The following IL1RAPL2 variants were observed in gnomAD, a reference collection of about 807,000 sequenced individuals.
IL1RAPL2 encodes the protein X-linked interleukin-1 receptor accessory protein-like 2.
A neutral mutation model predicts 44.1 loss-of-function variants in IL1RAPL2; 3 were observed. The observed-to-expected ratio is 0.07, with a 90% confidence interval of 0.03 to 0.18. The LOEUF (loss-of-function observed/expected upper bound fraction) is 0.18. IL1RAPL2 is among the 10% of genes least tolerant of loss of function. The pLI is 1.00. For synonymous variants in IL1RAPL2, 181 were observed against 178.8 expected (o/e 1.01, Z -0.10); for missense variants, 391 against 496.4 (o/e 0.79, Z 2.02).
chrX:105,254,195 C>T (rs1363874757), intron 4 of IL1RAPL2, among the ~76,000 whole-genome samples: 2 of 111,794 alleles, frequency 1.8e-5, no homozygotes, highest in East Asian at 2.8e-4. Context: ...CCTTTTTCTC[C>T]ACAACCTCAC....
intron 1 of IL1RAPL2, among the ~76,000 whole-genome samples, chrX:104,646,502 A>G (rs1015448522): frequency 8.9e-6 from 1 of 111,889 alleles, no homozygotes; most frequent in African/African-American, 3.3e-5. Context: ...TGCAGAAAGT[A>G]TACTATTTAG....
At chrX:105,059,282 C>T (rs914823077) in intron 2 of IL1RAPL2, among the ~76,000 whole-genome samples, 3 of 111,779 alleles carry the variant, frequency 2.7e-5, no homozygotes, top group African/African-American at 6.5e-5. Flanking sequence ...CCCCAGTACC[C>T]TTCAGAGCTT....
At chrX:104,888,293 G>T (rs1923313987) in intron 2 of IL1RAPL2, among the ~76,000 whole-genome samples, 1 of 104,558 alleles carries the variant, frequency 9.6e-6, no homozygotes, top group African/African-American at 3.6e-5. Context: ...AGAGAGAGAG[G>T]AGAAGAGACA....
chrX:104,703,772 G>A (rs1252710836), intron 2 of IL1RAPL2, among the ~76,000 whole-genome samples: 1 of 112,259 alleles, frequency 8.9e-6, no homozygotes, highest in East Asian at 2.8e-4. Context: ...CACAGAGGCC[G>A]AGAGATGTTA....
intron 4 of IL1RAPL2, among the ~76,000 whole-genome samples, chrX:105,263,613 G>A (rs780549521): frequency 9.0e-6 from 1 of 111,516 alleles, no homozygotes; most frequent in East Asian, 2.9e-4. Context: ...TCTCAGTTGT[G>A]CATTCTGGGC....
intron 5 of IL1RAPL2, among the ~76,000 whole-genome samples, chrX:105,466,136 G>A (rs779154312): frequency 4.5e-5 from 5 of 110,972 alleles, no homozygotes; most frequent in Non-Finnish European, 7.6e-5. Context: ...TCAGAACTCT[G>A]TAAGTCCCCT....
At chrX:104,573,101 C>G (rs1295858575) in intron 1 of IL1RAPL2, among the ~76,000 whole-genome samples, 1 of 111,793 alleles carries the variant, frequency 8.9e-6, no homozygotes, top group Non-Finnish European at 1.9e-5. Flanking sequence ...AATTGAGCTG[C>G]CTTTGAGATC....
At chrX:105,715,979 AC>A (rs1240887467) in intron 6 of IL1RAPL2, among the ~76,000 whole-genome samples, 1 of 111,811 alleles carries the variant, frequency 8.9e-6, no homozygotes, top group East Asian at 2.8e-4. Context: ...AACCAGTGAA[AC>A]TTGTAGGGCC....
intron 6 of IL1RAPL2, among the ~76,000 whole-genome samples, chrX:105,572,911 G>A (rs1486557654): frequency 8.9e-6 from 1 of 111,956 alleles, no homozygotes; most frequent in Non-Finnish European, 1.9e-5. Context: ...TGATATTGTT[G>A]AAGAAAAGTT....
intron 2 of IL1RAPL2, among the ~76,000 whole-genome samples, chrX:104,940,494 C>T (rs1363165411): frequency 9.0e-6 from 1 of 111,055 alleles, no homozygotes; most frequent in African/African-American, 3.3e-5. Context: ...AGTAAATGCC[C>T]CACTAGAAGA....
At chrX:105,056,229 G>C (rs1251164587) in intron 2 of IL1RAPL2, among the ~76,000 whole-genome samples, 1 of 111,292 alleles carries the variant, frequency 9.0e-6, no homozygotes, top group Non-Finnish European at 1.9e-5. Flanking sequence ...GTGCTAGTAG[G>C]TATTCTGGAA....
chrX:104,882,052 T>C (rs1923084147), intron 2 of IL1RAPL2, among the ~76,000 whole-genome samples: 1 of 112,487 alleles, frequency 8.9e-6, no homozygotes, highest in Non-Finnish European at 1.9e-5. Flanking sequence ...CAGGCATATA[T>C]GCTTCTCTTT....
intron 1 of IL1RAPL2, among the ~76,000 whole-genome samples, chrX:104,639,834 A>G (rs1444116842): frequency 8.9e-6 from 1 of 111,901 alleles, no homozygotes; most frequent in Non-Finnish European, 1.9e-5. Context: ...ATGTCATCCC[A>G]TTCGCTAAAT....
At chrX:105,175,894 A>G (rs1048017530) in intron 2 of IL1RAPL2, among the ~76,000 whole-genome samples, 2 of 111,218 alleles carry the variant, frequency 1.8e-5, no homozygotes, top group East Asian at 5.6e-4. Context: ...AATACATAAT[A>G]TATAATGATA....
chrX:104,591,860 A>T (rs1330128678), intron 1 of IL1RAPL2, among the ~76,000 whole-genome samples: 1 of 110,366 alleles, frequency 9.1e-6, no homozygotes, highest in Non-Finnish European at 1.9e-5. Flanking sequence ...TCTGCAGTAC[A>T]ATTGTATGAC....
At chrX:105,052,420 A>G (rs1038484154) in intron 2 of IL1RAPL2, among the ~76,000 whole-genome samples, 10 of 111,820 alleles carry the variant, frequency 8.9e-5, no homozygotes, top group Admixed American at 1.9e-4. Flanking sequence ...AAAATTTAGA[A>G]TTCTGTTATA....
intron 2 of IL1RAPL2, among the ~76,000 whole-genome samples, chrX:104,905,437 G>A (rs1454769773): frequency 9.0e-6 from 1 of 111,679 alleles, no homozygotes; most frequent in Non-Finnish European, 1.9e-5. Context: ...ATGGTTTTAG[G>A]TCTAACATTT....
chrX:105,262,781 G>A (rs1192603780), intron 4 of IL1RAPL2, among the ~76,000 whole-genome samples: 1 of 111,709 alleles, frequency 9.0e-6, no homozygotes, highest in African/African-American at 3.3e-5. Context: ...CTAGGCCTTT[G>A]GAGTAGAGAT....
intron 4 of IL1RAPL2, among the ~76,000 whole-genome samples, 155 bp from the exon 5 acceptor site, chrX:105,267,233 T>A (rs2034409891): frequency 8.9e-6 from 1 of 111,884 alleles, no homozygotes; most frequent in Non-Finnish European, 1.9e-5. Context: ...TAGGACACAT[T>A]TGTGATTTTT....
Sources: allele counts gnomAD v4.1 joint callset (sites outside exome capture counted in the v4.1 genomes callset), GRCh38; gene constraint gnomAD v4.1.1; transcripts MANE v1.5; gene names NCBI Gene and HGNC (gene_info 2026-07-23, HGNC 2026-07-21).